TTLL11: variants seen among roughly 807,000 people sequenced by gnomAD.
TTLL11 encodes tubulin polyglutamylase TTLL11.
A neutral mutation model predicts 51.7 loss-of-function variants in TTLL11; 42 were observed. The observed-to-expected ratio is 0.81, with a 90% CI of 0.64 to 1.05. TTLL11 has a LOEUF of 1.05. Among genes scored for constraint, TTLL11 ranks in the 50% least tolerant of loss-of-function variants. TTLL11 has a pLI of 0.00. For missense variants in TTLL11, 799 were observed against 940.4 expected, an observed-to-expected ratio of 0.85 and a Z score of 1.97; for synonymous variants, 381 against 383.5, an observed-to-expected ratio of 0.99 and a Z score of 0.08.
chr9:122,029,220 G>A (rs1276253556), intron 3 of TTLL11, among the ~76,000 whole-genome samples: 2 of 152,022 alleles, frequency 1.3e-5, no homozygotes, highest in Non-Finnish European at 2.9e-5. Context: ...ACTAGCTTCT[G>A]TATTTACTAT....
At chr9:121,869,288 C>T (rs1234489751) in intron 7 of TTLL11, among the ~76,000 whole-genome samples, 1 of 152,196 alleles carries the variant, frequency 6.6e-6, no homozygotes, top group African/African-American at 2.4e-5. Flanking sequence ...TATAAAACTT[C>T]TTTGGAGACA....
intron 1 of TTLL11, among the ~76,000 whole-genome samples, chr9:122,061,620 TA>T (rs1411247261): frequency 2.0e-5 from 3 of 152,178 alleles, no homozygotes; most frequent in African/African-American, 7.2e-5. Flanking sequence ...CTAGTAAGAC[TA>T]AATGTTTTTT....
At chr9:121,945,541 ACAGGG>A (rs1841631879) in intron 6 of TTLL11, among the ~76,000 whole-genome samples, 1 of 152,126 alleles carries the variant, frequency 6.6e-6, no homozygotes, top group Non-Finnish European at 1.5e-5. Flanking sequence ...CTCTCTGCCC[ACAGGG>A]CAGATCTAAA....
At chr9:121,962,866 C>T (rs181587165) in intron 6 of TTLL11, among the ~76,000 whole-genome samples, 105 of 152,336 alleles carry the variant, frequency 6.9e-4, no homozygotes, top group Non-Finnish European at 7.5e-4. Flanking sequence ...CTGCGCTTGG[C>T]CCTGGAGATA....
chr9:122,070,104 C>T (rs1845691596), intron 1 of TTLL11, among the ~76,000 whole-genome samples: 1 of 152,026 alleles, frequency 6.6e-6, no homozygotes, highest in Admixed American at 6.6e-5. Context: ...AATCATTATC[C>T]CCCATGAAGA....
intron 3 of TTLL11, among the ~76,000 whole-genome samples, chr9:122,016,207 C>T (rs1299878825): frequency 2.6e-5 from 4 of 152,030 alleles, no homozygotes; most frequent in East Asian, 1.9e-4. Flanking sequence ...AAGATGGGTG[C>T]TCCAGGCAAA....
chr9:122,008,063 G>A (rs1843702955), intron 3 of TTLL11, among the ~76,000 whole-genome samples: 1 of 152,122 alleles, frequency 6.6e-6, no homozygotes, highest in Admixed American at 6.5e-5. Context: ...TAATACTGAG[G>A]AAACCCCAGA....
At chr9:121,880,759 C>G (rs1213690780) in intron 6 of TTLL11, among the ~76,000 whole-genome samples, 1 of 152,212 alleles carries the variant, frequency 6.6e-6, no homozygotes, top group Non-Finnish European at 1.5e-5. Context: ...ACAATGAATA[C>G]AGTCATTATT....
chr9:121,841,820 T>G (rs1025334529), intron 8 of TTLL11, among the ~76,000 whole-genome samples: 1 of 152,064 alleles, frequency 6.6e-6, no homozygotes, highest in African/African-American at 2.4e-5. Context: ...GATGCCAGTA[T>G]AGCAACTCCC....
At chr9:121,881,619 T>A (rs139356612) in intron 6 of TTLL11, among the ~76,000 whole-genome samples, 1 of 152,360 alleles carries the variant, frequency 6.6e-6, no homozygotes, top group Non-Finnish European at 1.5e-5. Flanking sequence ...TCACTCAGCA[T>A]CACGCCAGGA....
At chr9:121,842,856 G>A (rs942249923) in intron 8 of TTLL11, among the ~76,000 whole-genome samples, 2 of 152,184 alleles carry the variant, frequency 1.3e-5, no homozygotes, top group African/African-American at 4.8e-5. Flanking sequence ...AGAATCTAAA[G>A]ACAAAGAATT....
intron 6 of TTLL11, among the ~76,000 whole-genome samples, chr9:121,967,890 A>G (rs1277778016): frequency 6.6e-6 from 1 of 152,244 alleles, no homozygotes; most frequent in Non-Finnish European, 1.5e-5. Context: ...GAAGCCAATC[A>G]CAAAAGACTG....
chr9:121,979,883 T>C (rs1842791478), intron 4 of TTLL11, among the ~76,000 whole-genome samples: 2 of 152,000 alleles, frequency 1.3e-5, no homozygotes, highest in South Asian at 2.1e-4. Flanking sequence ...TGGGCTCTCA[T>C]TGTGCTGAAA....
chr9:121,881,672 T>C (rs1019544220), intron 6 of TTLL11, among the ~76,000 whole-genome samples: 2 of 152,194 alleles, frequency 1.3e-5, no homozygotes, highest in African/African-American at 2.4e-5. Flanking sequence ...AATTTTTGAG[T>C]GCCATTCTGT....
chr9:121,999,432 C>T (rs916321874), intron 3 of TTLL11, among the ~76,000 whole-genome samples: 7 of 152,138 alleles, frequency 4.6e-5, no homozygotes, highest in Non-Finnish European at 7.4e-5. Flanking sequence ...ACATTACCAC[C>T]ATCCATCCAT....
In TTLL11 at chr9:121,816,932, G is replaced by A. The variant is rs1309772855; in HGVS notation, c.*5655C>T. On this transcript the variant is annotated 3_prime_UTR_variant, in exon 9 of 9. Transcript: ENST00000321582. ...CTCTCACATTCATCAAACCAAATGGGAGATTGGCAAAAATATCCATCAAGG... is the reference window on the plus strand; with the variant it reads ...CTCTCACATTCATCAAACCAAATGGAAGATTGGCAAAAATATCCATCAAGG... The A allele has an allele frequency of 6.6e-6, 1 of 152,170 alleles. No homozygotes were observed. The highest frequency in any genetic ancestry group is 1.5e-5 in the Non-Finnish European group (1 of 68,030). 9.4% of individuals were successfully genotyped at this position (152,170 alleles called of 1,614,324 possible).
At chr9:121,897,769 T>C (rs2131465919) in intron 6 of TTLL11, among the ~76,000 whole-genome samples, 1 of 152,298 alleles carries the variant, frequency 6.6e-6, no homozygotes, top group African/African-American at 2.4e-5. Flanking sequence ...GGTACTCAGT[T>C]TCCCCTTGGT....
chr9:121,993,626 G>T (rs1843173735), intron 3 of TTLL11, among the ~76,000 whole-genome samples: 1 of 152,184 alleles, frequency 6.6e-6, no homozygotes, highest in Non-Finnish European at 1.5e-5. Context: ...CTGTGCTGTT[G>T]GGATCAGCAC....
chr9:121,890,166 C>T lies in TTLL11; in HGVS notation c.1482-19418G>A, dbSNP rs935539123. 4.6e-5 allele frequency among the ~76,000 whole-genome samples: 7 copies of T among 152,150 alleles called. No individual in the cohort carries two copies. The highest frequency in any genetic ancestry group is 1.0e-4 in the Non-Finnish European group (7 of 68,032). ...TCATTTTTCTACCCCAATTCTGAGCCTCCAGCTTTGTTCCTGACTCAGAGG... is the reference window on the plus strand; with the variant it reads ...TCATTTTTCTACCCCAATTCTGAGCTTCCAGCTTTGTTCCTGACTCAGAGG... On this transcript the variant is annotated intron_variant, in intron 6 of 8. Transcript: ENST00000321582. This position sits in a 1 kb window ranked among gnomAD's most constrained non-coding sequence, Gnocchi z 4.3.
Sources: gnomAD v4.1 joint callset for allele counts (sites outside exome capture counted in the v4.1 genomes callset) on GRCh38, gnomAD v4.1.1 for gene constraint, Gnocchi (gnomAD v3.1) non-coding constraint, MANE v1.5 for transcripts, NCBI Gene and HGNC (gene_info 2026-07-23, HGNC 2026-07-21) for gene names.